Variants in NFATC3 observed in about 807,000 individuals in gnomAD.
The protein encoded by NFATC3 is nuclear factor of activated T cells 3, also known as nuclear factor of activated T-cells, cytoplasmic 3.
NFATC3 carries 46 observed loss-of-function variants against 98.6 expected under a neutral mutation model. That is an observed-to-expected ratio of 0.47 (90% CI 0.37 to 0.60). NFATC3 has a LOEUF of 0.60. Among genes scored for constraint, NFATC3 ranks in the 20% least tolerant of loss-of-function variants. NFATC3 has a pLI of 0.00. For synonymous variants in NFATC3, 512 were observed against 472.2 expected (o/e 1.08, Z -1.09); for missense variants, 1,256 against 1,295.5 (o/e 0.97, Z 0.47).
At chr16:68,199,283 G>A (rs2040806275) in intron 9 of NFATC3, among the ~76,000 whole-genome samples, 1 of 146,746 alleles carries the variant, frequency 6.8e-6, no homozygotes, top group African/African-American at 2.5e-5. Context: ...GAGTGCAGTG[G>A]CGCGATCTTG....
At chr16:68,202,944 A>G (rs1438300282) in intron 9 of NFATC3, among the ~76,000 whole-genome samples, 2 of 152,198 alleles carry the variant, frequency 1.3e-5, no homozygotes, top group African/African-American at 2.4e-5. Flanking sequence ...GAGGTAGATA[A>G]TGCTGAAATT....
At chr16:68,192,279 GTATA>G (rs577002611) in intron 9 of NFATC3, 18 of 126,014 alleles carry the variant, frequency 1.4e-4, no homozygotes, top group African/African-American at 4.2e-4. Flanking sequence ...ATATGTATGT[GTATA>G]TATATATGTA....
intron 9 of NFATC3, among the ~76,000 whole-genome samples, chr16:68,193,927 G>A (rs1357050293): frequency 1.3e-5 from 2 of 152,068 alleles, no homozygotes; most frequent in African/African-American, 2.4e-5. Flanking sequence ...ATGGGGTCCG[G>A]GGTGGGGGAT....
At chr16:68,127,924 C>G (rs1296423401) in intron 3 of NFATC3, among the ~76,000 whole-genome samples, 1 of 152,022 alleles carries the variant, frequency 6.6e-6, no homozygotes, top group African/African-American at 2.4e-5. Flanking sequence ...CTAACTTCTC[C>G]CCCAATTATT....
At chr16:68,186,753 A>G (rs1002441160) in intron 8 of NFATC3, among the ~76,000 whole-genome samples, 5 of 152,172 alleles carry the variant, frequency 3.3e-5, no homozygotes, top group Non-Finnish European at 7.3e-5. Flanking sequence ...ATAACTTCTT[A>G]GTATTTTGTT....
chr16:68,150,897 G>C (rs2038284685), intron 3 of NFATC3, among the ~76,000 whole-genome samples: 1 of 152,110 alleles, frequency 6.6e-6, no homozygotes, highest in South Asian at 2.1e-4. Flanking sequence ...CTGCCACCTT[G>C]TGAAGAAGGT....
intron 4 of NFATC3, among the ~76,000 whole-genome samples, chr16:68,159,776 A>C (rs1489747315): frequency 6.6e-6 from 1 of 151,756 alleles, no homozygotes; most frequent in African/African-American, 2.4e-5. Context: ...TTGCAAGAAC[A>C]GTCCTATAAA....
chr16:68,093,709 A>G (rs2034854517), intron 1 of NFATC3, among the ~76,000 whole-genome samples: 2 of 152,250 alleles, frequency 1.3e-5, no homozygotes, highest in Admixed American at 1.3e-4. Flanking sequence ...TATTTAGCGC[A>G]TAAGGAAACA....
chr16:68,177,854 A>G (rs747895286), intron 6 of NFATC3, among the ~76,000 whole-genome samples: 5 of 152,162 alleles, frequency 3.3e-5, no homozygotes, highest in Non-Finnish European at 5.9e-5. Context: ...TCAAAAAAGT[A>G]GTATCATATG....
chr16:68,164,363 T>C (rs376983183), intron 4 of NFATC3, among the ~76,000 whole-genome samples: 1,989 of 152,000 alleles, frequency 0.013, 41 homozygotes, highest in African/African-American at 0.045. Flanking sequence ...TTCGGCTCGG[T>C]ATCAGAGGGA....
At chr16:68,087,918 T>A (rs978858482) in intron 1 of NFATC3, among the ~76,000 whole-genome samples, 8 of 152,226 alleles carry the variant, frequency 5.3e-5, no homozygotes, top group Admixed American at 2.0e-4. Flanking sequence ...TTGGGCTTTT[T>A]CTGCCTTTTG....
chr16:68,182,458 G>T (rs1048458611), intron 7 of NFATC3, among the ~76,000 whole-genome samples: 1 of 152,082 alleles, frequency 6.6e-6, no homozygotes, highest in African/African-American at 2.4e-5. Context: ...AATTATTTTT[G>T]ATATAGATAA....
intron 9 of NFATC3, chr16:68,217,609 T>C: frequency 8.2e-7 from 1 of 1,226,118 alleles, no homozygotes; most frequent in Non-Finnish European, 1.0e-6. Context: ...GTGAGTATAA[T>C]GGAGATCCCA....
intron 6 of NFATC3, 39 bp downstream of exon 6, chr16:68,174,553 G>A (rs1247209317): frequency 2.1e-6 from 3 of 1,455,798 alleles, no homozygotes; most frequent in South Asian, 1.6e-5. Context: ...AAACTAAGGG[G>A]CAAAGGGTAA....
Position 68,122,864 on chromosome 16 carries a change from A to G in NFATC3, c.981A>G (p.Pro327=), listed in dbSNP as rs545598471. 17 of 1,614,044 alleles carry G rather than the reference A, an allele frequency of 1.1e-5. No homozygotes were observed. The highest frequency in any genetic ancestry group is 1.4e-5 in the Non-Finnish European group (17 of 1,180,024). Residue 327 remains proline (P), a synonymous_variant, in exon 2 of 10, where the codon CCA becomes CCG. Coordinates refer to ENST00000346183, the MANE Select transcript of NFATC3 (RefSeq NM_173165.3). The part of the protein sequence containing the change: ...GGSGLGPAVF[P]FQYCVETDIP... ...CAGGCCTTGGCCCTGCAGTTTTTCC[A>G]TTTCAGTACTGTGTAGAGACTGACA...
At chr16:68,148,912 G>A (rs1010971396) in intron 3 of NFATC3, among the ~76,000 whole-genome samples, 11 of 152,292 alleles carry the variant, frequency 7.2e-5, no homozygotes, top group African/African-American at 2.4e-4. Context: ...AGGAGGCTGA[G>A]GCAGAAGAAT....
intron 1 of NFATC3, among the ~76,000 whole-genome samples, chr16:68,100,911 T>G (rs955809737): frequency 7.2e-6 from 1 of 139,580 alleles, no homozygotes; most frequent in East Asian, 1.9e-4. Flanking sequence ...GTGTGGGGTG[T>G]GTGTGTGTGT....
At chr16:68,121,642 C>A in intron 1 of NFATC3, among the ~76,000 whole-genome samples, 1 of 144,744 alleles carries the variant, frequency 6.9e-6, no homozygotes, top group African/African-American at 2.6e-5. Flanking sequence ...CATTGCACTC[C>A]AGTCTAGGTG....
At chr16:68,133,099 C>T (rs1394443394) in intron 3 of NFATC3, among the ~76,000 whole-genome samples, 1 of 152,110 alleles carries the variant, frequency 6.6e-6, no homozygotes, top group Admixed American at 6.6e-5. Context: ...AACCCTGTGT[C>T]TATTAAAAAT....
Sources: gnomAD v4.1 joint callset for allele counts (sites outside exome capture counted in the v4.1 genomes callset) on GRCh38, gnomAD v4.1.1 for gene constraint, MANE v1.5 for transcripts, NCBI Gene and HGNC (gene_info 2026-07-23, HGNC 2026-07-21) for gene names.